The following ATRN variants were observed in gnomAD, a reference collection of about 807,000 sequenced individuals.
ATRN encodes the protein attractin-2.
Under a neutral mutation model 178.7 loss-of-function variants are expected in ATRN, and 54 were observed. The ratio of observed to expected loss-of-function variants is 0.30; its 90% CI spans 0.24 to 0.38. The LOEUF (loss-of-function observed/expected upper bound fraction) is 0.38, where lower values mean the gene tolerates loss of function less well. Ranked by LOEUF, ATRN falls within the 10% of genes least tolerant of loss-of-function variation. ATRN has a pLI of 1.00. For missense variants in ATRN, 1,443 were observed against 1,815.1 expected, an observed-to-expected ratio of 0.79 and a Z score of 3.73; for synonymous variants, 636 against 663.0, an observed-to-expected ratio of 0.96 and a Z score of 0.63.
intron 6 of ATRN, among the ~76,000 whole-genome samples, chr20:3,552,661 C>T (rs2085806878): frequency 6.6e-6 from 1 of 152,230 alleles, no homozygotes; most frequent in Non-Finnish European, 1.5e-5. Context: ...CCTGCATTCT[C>T]ATCTAGAGGC....
chr20:3,568,636 A>G (rs1156851558), intron 11 of ATRN, among the ~76,000 whole-genome samples: 7 of 152,262 alleles, frequency 4.6e-5, no homozygotes, highest in Admixed American at 3.3e-4. Context: ...TTATGTTTCT[A>G]TAAACCTCTG....
intron 1 of ATRN, among the ~76,000 whole-genome samples, chr20:3,494,121 CA>C: frequency 6.6e-6 from 1 of 152,138 alleles, no homozygotes; most frequent in African/African-American, 2.4e-5. Flanking sequence ...CCCAGAGCTC[CA>C]AGGGACATTT....
At chr20:3,640,685 A>G (rs1161341035) in intron 27 of ATRN, among the ~76,000 whole-genome samples, 3 of 152,242 alleles carry the variant, frequency 2.0e-5, no homozygotes, top group African/African-American at 7.2e-5. Flanking sequence ...AAAGTGATGG[A>G]GCCACTGTGG....
chr20:3,481,685 T>G (rs1324823955), intron 1 of ATRN, among the ~76,000 whole-genome samples: 1 of 152,118 alleles, frequency 6.6e-6, no homozygotes, highest in Non-Finnish European at 1.5e-5. Context: ...TTTTTCAGTT[T>G]GCGTTTTGGG....
In ATRN at chr20:3,576,222, G is replaced by A. The variant is rs147617927; in HGVS notation, c.2214+274G>A. 3.3e-5 allele frequency among the ~76,000 whole-genome samples: 5 copies of A among 152,246 alleles called. No homozygotes were observed. The East Asian group carries it at 9.6e-4, about 29-fold the overall frequency. On this transcript the variant is annotated intron_variant, in intron 13 of 28. Transcript: ENST00000262919. ...ACTAAGCACTGGATCCTTGGTTTGA[G>A]GCATCTGATAGTGACCTCACTTTAC...
rs1465138811 is a variant in ATRN, at chr20:3,560,799, C to A, written c.1341C>A (p.His447Gln). 1 of 1,614,026 alleles carries A rather than the reference C, an allele frequency of 6.2e-7. No homozygotes were observed. The highest frequency in any genetic ancestry group is 1.7e-5 in the Admixed American group (1 of 59,990). ...KAKEQYAVVG[H>Q]SAHIVTLKNG... Reference sequence around the variant, plus strand: ...AGGAGCAGTATGCAGTGGTTGGGCACTCTGCACACATTGTTACACTGAAGA... The same window carrying A: ...AGGAGCAGTATGCAGTGGTTGGGCAATCTGCACACATTGTTACACTGAAGA... Residue 447 changes from histidine (H) to glutamine (Q), a missense_variant, in exon 8 of 29, where the codon CAC (histidine) becomes CAA (glutamine). Coordinates refer to ENST00000262919, the MANE Select transcript of ATRN (RefSeq NM_139321.3).
At chr20:3,559,699 A>G (rs2085925438) in intron 7 of ATRN, among the ~76,000 whole-genome samples, 1 of 152,236 alleles carries the variant, frequency 6.6e-6, no homozygotes, top group African/African-American at 2.4e-5. Flanking sequence ...ATGGGGTATT[A>G]TAATAATGGC....
intron 23 of ATRN, 111 bp downstream of exon 23, chr20:3,601,135 C>T (rs1056355836): frequency 1.2e-5 from 10 of 862,420 alleles, no homozygotes; most frequent in Non-Finnish European, 1.7e-5. Flanking sequence ...GAAACCCACC[C>T]TTGCCACTTA....
chr20:3,493,937 T>C (rs76457909), intron 1 of ATRN, among the ~76,000 whole-genome samples: 6,031 of 152,300 alleles, frequency 0.04, 161 homozygotes, highest in Non-Finnish European at 0.057. Context: ...CATGAATATC[T>C]ATGATGTTTT....
intron 6 of ATRN, among the ~76,000 whole-genome samples, chr20:3,554,724 C>G (rs188259170): frequency 6.6e-6 from 1 of 152,074 alleles, no homozygotes; most frequent in African/African-American, 2.4e-5. Context: ...CCTGTTAACG[C>G]AAAACTTTTT....
At chr20:3,603,493 CTTT>C (rs368103958) in intron 23 of ATRN, among the ~76,000 whole-genome samples, 2 of 143,378 alleles carry the variant, frequency 1.4e-5, no homozygotes. Flanking sequence ...TTCTTTCTTT[CTTT>C]TTTTTTTTTT....
chr20:3,525,464 C>A (rs1393122812), intron 1 of ATRN, among the ~76,000 whole-genome samples: 1 of 152,174 alleles, frequency 6.6e-6, no homozygotes, highest in Non-Finnish European at 1.5e-5. Context: ...CGAATTCTAC[C>A]AGAGGTACAA....
intron 27 of ATRN, among the ~76,000 whole-genome samples, chr20:3,641,188 T>C (rs368102795): frequency 2.6e-5 from 4 of 152,188 alleles, no homozygotes; most frequent in African/African-American, 7.2e-5. Context: ...AGATGGATAG[T>C]AATGATGGTT....
intron 3 of ATRN, among the ~76,000 whole-genome samples, chr20:3,541,568 T>C (rs2085622639): frequency 6.6e-6 from 1 of 152,222 alleles, no homozygotes; most frequent in Non-Finnish European, 1.5e-5. Context: ...GTACAGCATC[T>C]TACTGTACTG....
Position 3,535,277 on chromosome 20 carries a change from G to A in ATRN, c.435G>A (p.Val145=), listed in dbSNP as rs151518. The A allele has an allele frequency of 0.25, 376,220 of 1,505,310 alleles. 52,159 individuals carry two copies. The highest frequency in any genetic ancestry group is 0.32 in the African/African-American group (23,072 of 71,278). 93.2% of individuals were successfully genotyped at this position (1,505,310 alleles called of 1,614,324 possible). A position where few individuals can be genotyped will look rare whatever the true frequency, so the allele number is the denominator to read the frequency against. Residue 145 remains valine (V), a synonymous_variant, in exon 2 of 29, where the codon GTG becomes GTA. Transcript: ENST00000262919. ...GACTAACTGGATCTTCTGGGTTTGTGACAGATGGACCTGGAAATTATAAAT... is the reference window on the plus strand; with the variant it reads ...GACTAACTGGATCTTCTGGGTTTGTAACAGATGGACCTGGAAATTATAAAT... ...RFRLTGSSGF[V]TDGPGNYKYK...
rs891845516 is a variant in ATRN, at chr20:3,544,496, TGTG to T, written c.609-1241_609-1239del. ...GGCAAGGATATAGGCTTTTACCAAA[TGTG>T]GTGGTGGTGGTGGTGGTGGTGGTGA... On this transcript the variant is annotated intron_variant, in intron 3 of 28. Coordinates refer to ENST00000262919, the MANE Select transcript of ATRN (RefSeq NM_139321.3). 2.8e-3 allele frequency among the ~76,000 whole-genome samples: 419 copies of T among 151,650 alleles called. 9 individuals are homozygous for T. The highest frequency in any genetic ancestry group is 0.02 in the Admixed American group (306 of 15,196).
In ATRN at chr20:3,647,042, TTTAC is replaced by T; in HGVS notation, c.*198_*201del. 1.4e-6 allele frequency: 1 copy of T among 692,836 alleles called. No homozygotes were observed. Among genetic ancestry groups the T allele is most frequent in the Middle Eastern group, 4.4e-4 (1 of 2,274 alleles). 42.9% of individuals were successfully genotyped at this position (692,836 alleles called of 1,614,324 possible). On this transcript the variant is annotated 3_prime_UTR_variant, in exon 29 of 29. Transcript: ENST00000262919. The stretch of plus-strand genomic sequence containing the variant: ...CCATCCGTGTTCCAGCATCTAACCT[TTTAC>T]TTTTGCATAGGAAATACTTGATTTA...
chr20:3,500,857 A>T (rs1334368365), intron 1 of ATRN, among the ~76,000 whole-genome samples: 2 of 152,138 alleles, frequency 1.3e-5, no homozygotes, highest in East Asian at 1.9e-4. Flanking sequence ...TTTTAAAAAA[A>T]TTTAAAAAAA....
intron 15 of ATRN, among the ~76,000 whole-genome samples, chr20:3,579,764 A>G (rs2086258734): frequency 1.3e-5 from 2 of 152,192 alleles, no homozygotes; most frequent in African/African-American, 4.8e-5. Flanking sequence ...GCTGTGGTAC[A>G]GAAACGTTTA....
Sources: gnomAD v4.1 joint callset for allele counts (sites outside exome capture counted in the v4.1 genomes callset) on GRCh38, gnomAD v4.1.1 for gene constraint, MANE v1.5 for transcripts, NCBI Gene and HGNC (gene_info 2026-07-23, HGNC 2026-07-21) for gene names.